The following LRRC71 variants were observed in gnomAD, a reference collection of about 807,000 sequenced individuals.
LRRC71 encodes the protein leucine rich repeat containing 71.
In LRRC71, 54 loss-of-function variants were observed where a neutral mutation model predicts 66.6. That is an observed-to-expected ratio of 0.81 (90% confidence interval 0.65 to 1.02). The LOEUF is 1.02. Ranked by LOEUF, LRRC71 falls within the 50% of genes least tolerant of loss-of-function variation. The pLI is 0.00. For synonymous variants in LRRC71, 323 were observed against 303.9 expected, an observed-to-expected ratio of 1.06 and a Z score of -0.65; for missense variants, 724 against 718.0, an observed-to-expected ratio of 1.01 and a Z score of -0.10.
chr1:156,938,514 C>T, the LRRC71 span: 1 of 1,612,270 alleles, frequency 6.2e-7, no homozygotes, highest in South Asian at 1.1e-5. Flanking sequence ...GCCACCTCAG[C>T]TGCACCGACA....
rs1207633776 is a variant in LRRC71 at position 156,920,678 on chromosome 1, G to C, written c.-126G>C. ...TAGGCTACGCCACCGCGGACGGGTC[G>C]GATCCGGTCCCTGGACGCGGAACAG... On this transcript the variant is annotated 5_prime_UTR_variant, in exon 1 of 15. Coordinates refer to ENST00000337428, the MANE Select transcript of LRRC71 (RefSeq NM_144702.3). This position sits in a 1 kb window ranked among gnomAD's most constrained non-coding sequence, Gnocchi z 4.9. The C allele has an allele frequency of 1.0e-5, 12 of 1,202,760 alleles. No individual in the cohort carries two copies. In the Admixed American group the frequency reaches 2.0e-4, roughly 20 times the overall value. The allele number at this position is 1,202,760 out of a possible 1,614,324, so 74.5% of individuals were successfully genotyped here. A position where few individuals can be genotyped will look rare whatever the true frequency, so the allele number is the denominator to read the frequency against.
At chr1:156,923,537 A>G (rs1318728040) in intron 1 of LRRC71, among the ~76,000 whole-genome samples, 2 of 150,272 alleles carry the variant, frequency 1.3e-5, no homozygotes, top group Non-Finnish European at 3.0e-5. Context: ...GGGAGTGGAA[A>G]GGAACTCACA....
At chr1:156,928,986 T>C (rs1451038602) in intron 9 of LRRC71, among the ~76,000 whole-genome samples, 2 of 152,152 alleles carry the variant, frequency 1.3e-5, no homozygotes, top group African/African-American at 4.8e-5. Context: ...GCAGTTAAAA[T>C]AGCACCTGGC....
intron 9 of LRRC71, among the ~76,000 whole-genome samples, chr1:156,928,784 T>C (rs1018056508): frequency 6.6e-6 from 1 of 151,994 alleles, no homozygotes; most frequent in African/African-American, 2.4e-5. Flanking sequence ...TTGACCAGGC[T>C]GGTCTCGAAC....
chr1:156,921,807 G>A (rs1652435767), intron 1 of LRRC71: 4 of 297,668 alleles, frequency 1.3e-5, no homozygotes, highest in Non-Finnish European at 2.0e-5. Flanking sequence ...GAGGCAAACA[G>A]ATGAGTTACC....
At chr1:156,938,506 C>T in the LRRC71 span, 24 of 1,613,010 alleles carry the variant, frequency 1.5e-5, 1 homozygote, top group Non-Finnish European at 1.9e-5. Context: ...TGCTGCCTGC[C>T]ACCTCAGCTG....
rs1557793839 is a variant in LRRC71, at chr1:156,930,525, CCA to C, written c.1241-3_1241-2del. On this transcript the variant is annotated splice_acceptor_variant and splice_polypyrimidine_tract_variant and intron_variant, in intron 11 of 14. Coordinates refer to ENST00000337428, the MANE Select transcript of LRRC71 (RefSeq NM_144702.3). LOFTEE classifies it high-confidence loss of function. ...GTGCATTCTGGCTCCTCTTCTGGCC[CCA>C]GAGGTAACCATCCCTGAACAGAAGC... is the stretch of plus-strand genomic sequence containing the variant. 1.9e-6 allele frequency: 3 copies of C among 1,558,128 alleles called. No homozygotes were observed. In the African/African-American group the frequency reaches 4.1e-5, roughly 21 times the overall value.
rs1652796903 is a variant in LRRC71 at position 156,924,024 on chromosome 1, C to G, written c.236C>G (p.Pro79Arg). 1 of 1,548,662 alleles carries G rather than the reference C, an allele frequency of 6.5e-7. No individual in the cohort carries two copies. The highest frequency in any genetic ancestry group is 8.7e-7 in the Non-Finnish European group (1 of 1,146,192). ...ACGCGGTGGGGCTACACGGACTTCC[C>G]CAAAGTTGTCAACCGGCCCCGCCCC... is the stretch of plus-strand genomic sequence containing the variant. ...LCTRWGYTDF[P>R]KVVNRPRPHP... The change falls in exon 2 of 15, where the codon CCC becomes CGC. Residue 79 changes from proline to arginine, a missense_variant. Pro to Arg is a moderately radical substitution (Grantham distance 103). Coordinates refer to ENST00000337428, the MANE Select transcript of LRRC71 (RefSeq NM_144702.3).
At chr1:156,924,378 GC>G (rs755211255) in intron 2 of LRRC71, 45 bp from the exon 3 acceptor site, 175 of 1,534,964 alleles carry the variant, frequency 1.1e-4, no homozygotes, top group Non-Finnish European at 1.5e-4. Flanking sequence ...CCGGCGTGGG[GC>G]CCTGGAGGTG....
chr1:156,940,439 G>A, the LRRC71 span: 2 of 1,590,112 alleles, frequency 1.3e-6, no homozygotes, highest in Admixed American at 1.7e-5. Flanking sequence ...TTTCGGATGA[G>A]AGAAGATTGT....
chr1:156,937,446 C>T (rs1382037589), downstream of LRRC71: 25 of 1,561,806 alleles, frequency 1.6e-5, no homozygotes, highest in African/African-American at 4.1e-5. Flanking sequence ...TCTGAGTGGT[C>T]GGTGCTTGAG....
rs746573089 is a variant in LRRC71, at chr1:156,932,926, A to G, written c.1637A>G (p.Lys546Arg). The part of the protein sequence containing the change: ...QELMLPRDPI[K>R]AKLREDEAMA... ...CTGATGTTGCCAAGGGATCCCATCA[A>G]GGCCAAACTCAGGGAGGATGAGGCC... Residue 546 changes from lysine (K) to arginine (R), a missense_variant, in exon 15 of 15, where the codon AAG (lysine) becomes AGG (arginine). By Grantham distance (26) the Lys-to-Arg change is conservative. Transcript: ENST00000337428. 3 of 1,600,390 alleles carry G rather than the reference A, an allele frequency of 1.9e-6. No individual in the cohort carries two copies. The highest frequency in any genetic ancestry group is 2.6e-6 in the Non-Finnish European group (3 of 1,173,386).
intron 1 of LRRC71, among the ~76,000 whole-genome samples, chr1:156,922,007 C>A (rs536167947): frequency 1.3e-5 from 2 of 152,092 alleles, no homozygotes; most frequent in South Asian, 4.2e-4. Flanking sequence ...CTGGACTGGG[C>A]ACTGGGTGGG....
chr1:156,936,183 CCA>C (rs755803301), downstream of LRRC71: 26 of 1,028,562 alleles, frequency 2.5e-5, no homozygotes, highest in South Asian at 8.9e-5. Context: ...TCCAGAAACC[CCA>C]GTTTCTCGTA....
At chr1:156,925,745 G>C (rs1404882025) in intron 5 of LRRC71, among the ~76,000 whole-genome samples, 2 of 151,206 alleles carry the variant, frequency 1.3e-5, no homozygotes, top group Non-Finnish European at 3.0e-5. Context: ...TCATGGTGGC[G>C]GGGGGGTACC....
the LRRC71 span, chr1:156,938,868 C>T: frequency 3.9e-6 from 1 of 259,600 alleles, no homozygotes; most frequent in African/African-American, 2.2e-5. Context: ...CTTTGTTCTA[C>T]TTTTCTTGCC....
At chr1:156,935,045 G>T (rs139355036), downstream of LRRC71, 5,245 of 151,978 alleles carry the variant, frequency 0.035, 151 homozygotes, top group South Asian at 0.1. Context: ...GTGAGGACGT[G>T]GTGATGGGGC....
rs779859059 is a variant in LRRC71 at position 156,930,653 on chromosome 1, C to G, written c.1329+36C>G. ...AGGAGGAGTGGAGGCAGGGGGCACA[C>G]CCCTGGGATTCCAGGCTTGCCTGAG... is the stretch of plus-strand genomic sequence containing the variant. On this transcript the variant is annotated intron_variant, in intron 12 of 14. Transcript: ENST00000337428. The G allele has an allele frequency of 2.6e-6, 4 of 1,532,594 alleles. No individual in the cohort carries two copies. The East Asian group carries it at 9.8e-5, about 38-fold the overall frequency. 94.9% of individuals were successfully genotyped at this position (1,532,594 alleles called of 1,614,324 possible). A position where few individuals can be genotyped will look rare whatever the true frequency, so the allele number is the denominator to read the frequency against.
downstream of LRRC71, chr1:156,937,447 G>A (rs370692576): frequency 3.0e-5 from 46 of 1,555,314 alleles, no homozygotes; most frequent in East Asian, 5.7e-4. Flanking sequence ...CTGAGTGGTC[G>A]GTGCTTGAGT....
Sources: allele counts gnomAD v4.1 joint callset (sites outside exome capture counted in the v4.1 genomes callset), GRCh38; gene constraint gnomAD v4.1.1; non-coding constraint Gnocchi (gnomAD v3.1); transcripts MANE v1.5; gene names NCBI Gene and HGNC (gene_info 2026-07-23, HGNC 2026-07-21).